Variants in LRMDA observed in about 807,000 individuals in gnomAD.
The protein encoded by LRMDA is leucine rich melanocyte differentiation associated, also known as leucine-rich melanocyte differentiation-associated protein.
A neutral mutation model predicts 29.8 loss-of-function variants in LRMDA; 18 were observed. The ratio of observed to expected loss-of-function variants is 0.60; its 90% CI spans 0.42 to 0.90. The LOEUF (loss-of-function observed/expected upper bound fraction) is 0.90, where lower values mean the gene tolerates loss of function less well. Among genes scored for constraint, LRMDA ranks in the 40% least tolerant of loss-of-function variants. The probability of loss-of-function intolerance (pLI) is 0.00; values close to 1 mark genes in which losing one functional copy is unlikely to be tolerated. For synonymous variants in LRMDA, 125 were observed against 109.4 expected (o/e 1.14, Z -0.89); for missense variants, 273 against 273.9 (o/e 1.00, Z 0.02).
At chr10:75,470,723 G>C (rs1015593051) in intron 2 of LRMDA, among the ~76,000 whole-genome samples, 1 of 152,136 alleles carries the variant, frequency 6.6e-6, no homozygotes, top group Admixed American at 6.5e-5. Context: ...CCCTCAGTCT[G>C]AGCAGCCCCA....
intron 6 of LRMDA, among the ~76,000 whole-genome samples, chr10:76,376,690 A>T (rs185675570): frequency 1.3e-5 from 2 of 152,182 alleles, no homozygotes; most frequent in African/African-American, 4.8e-5. Context: ...GTAGGGTATA[A>T]GCATTCACAT....
intron 2 of LRMDA, among the ~76,000 whole-genome samples, chr10:76,008,645 C>T (rs1589286631): frequency 6.6e-6 from 1 of 152,262 alleles, no homozygotes. Context: ...GTCCACACTG[C>T]AGTCCTCTGC....
chr10:75,842,482 A>T (rs1254121289), intron 2 of LRMDA, among the ~76,000 whole-genome samples: 1 of 152,180 alleles, frequency 6.6e-6, no homozygotes, highest in Non-Finnish European at 1.5e-5. Context: ...TCACAGTCTC[A>T]CTAGATGAGT....
intron 2 of LRMDA, among the ~76,000 whole-genome samples, chr10:75,681,175 GT>G (rs1842018258): frequency 6.6e-6 from 1 of 152,162 alleles, no homozygotes; most frequent in Non-Finnish European, 1.5e-5. Flanking sequence ...CTTATTTTGT[GT>G]TAATTTCCTT....
At chr10:75,632,472 C>A (rs1357580599) in intron 2 of LRMDA, among the ~76,000 whole-genome samples, 1 of 152,060 alleles carries the variant, frequency 6.6e-6, no homozygotes, top group South Asian at 2.1e-4. Flanking sequence ...TTAAGTTAGC[C>A]AAGATTGAGT....
intron 5 of LRMDA, among the ~76,000 whole-genome samples, chr10:76,080,037 G>A (rs1231956499): frequency 6.6e-6 from 1 of 152,094 alleles, no homozygotes; most frequent in Non-Finnish European, 1.5e-5. Context: ...CTAGATCAGT[G>A]TATGTCTCAA....
At chr10:75,936,019 T>C (rs952930295) in intron 2 of LRMDA, among the ~76,000 whole-genome samples, 2 of 152,136 alleles carry the variant, frequency 1.3e-5, no homozygotes, top group Non-Finnish European at 2.9e-5. Flanking sequence ...TTATTTTATT[T>C]TGTTTAAAAG....
intron 2 of LRMDA, among the ~76,000 whole-genome samples, chr10:75,710,774 TCTC>T (rs1025040486): frequency 2.6e-5 from 4 of 152,210 alleles, no homozygotes; most frequent in African/African-American, 9.7e-5. Context: ...TGCTCCCAAT[TCTC>T]CTCTTTTCTT....
chr10:76,110,223 C>T (rs941206349), intron 5 of LRMDA, among the ~76,000 whole-genome samples: 1 of 152,150 alleles, frequency 6.6e-6, no homozygotes, highest in Admixed American at 6.5e-5. Flanking sequence ...TTGAGTTGGC[C>T]GATCTGTTCC....
chr10:75,973,165 A>G (rs181744610), intron 2 of LRMDA, among the ~76,000 whole-genome samples: 3 of 152,298 alleles, frequency 2.0e-5, no homozygotes, highest in African/African-American at 7.2e-5. Context: ...TGCAGTAGGT[A>G]CTATTTTTCA....
chr10:76,557,205 G>C lies in LRMDA; in HGVS notation c.602-4G>C, dbSNP rs1229538281. The stretch of plus-strand genomic sequence containing the variant: ...TGTAATGATGTGTGTCTTTTTATTT[G>C]CAGGTGTCCTGGGGAAGTGTCGCTA... On this transcript the variant is annotated splice_polypyrimidine_tract_variant and splice_region_variant and intron_variant, in intron 6 of 6. Coordinates refer to ENST00000611255, the MANE Select transcript of LRMDA (RefSeq NM_001305581.2). 6.2e-7 allele frequency: 1 copy of C among 1,612,748 alleles called. No homozygotes were observed. Among genetic ancestry groups the C allele is most frequent in the African/African-American group, 1.3e-5 (1 of 74,860 alleles).
intron 5 of LRMDA, among the ~76,000 whole-genome samples, chr10:76,320,105 G>C (rs1206003843): frequency 2.0e-5 from 3 of 152,222 alleles, no homozygotes; most frequent in African/African-American, 7.2e-5. Flanking sequence ...TAATCACCGA[G>C]TGAAATTCTC....
intron 5 of LRMDA, among the ~76,000 whole-genome samples, chr10:76,210,801 T>C (rs1219729314): frequency 1.3e-5 from 2 of 152,216 alleles, no homozygotes; most frequent in Non-Finnish European, 2.9e-5. Context: ...TTAATGGTTA[T>C]CAAACTTTGT....
intron 2 of LRMDA, among the ~76,000 whole-genome samples, chr10:75,504,728 A>G (rs1328538295): frequency 6.6e-6 from 1 of 152,132 alleles, no homozygotes; most frequent in Non-Finnish European, 1.5e-5. Flanking sequence ...ATTAGGAACT[A>G]GTAGAAGGTT....
chr10:76,410,613 AT>A (rs1424563566), intron 6 of LRMDA, among the ~76,000 whole-genome samples: 18 of 151,342 alleles, frequency 1.2e-4, no homozygotes, highest in African/African-American at 3.6e-4. Flanking sequence ...CCCAGCCCCC[AT>A]CAAGAAGCTT....
At chr10:76,177,888 G>A (rs979141477) in intron 5 of LRMDA, among the ~76,000 whole-genome samples, 2 of 152,208 alleles carry the variant, frequency 1.3e-5, no homozygotes, top group Non-Finnish European at 2.9e-5. Context: ...AAGTAAGCTG[G>A]TCTGGTCTGT....
At chr10:75,887,643 A>G (rs1270542008) in intron 2 of LRMDA, among the ~76,000 whole-genome samples, 3 of 152,148 alleles carry the variant, frequency 2.0e-5, no homozygotes, top group African/African-American at 2.4e-5. Flanking sequence ...GATTTGTGTC[A>G]TTGTGACATA....
chr10:76,509,156 A>G (rs912588991), intron 6 of LRMDA, among the ~76,000 whole-genome samples: 1 of 152,160 alleles, frequency 6.6e-6, no homozygotes, highest in Non-Finnish European at 1.5e-5. Flanking sequence ...TGTTCGCAGC[A>G]CTGAGGTAGA....
intron 6 of LRMDA, among the ~76,000 whole-genome samples, chr10:76,370,770 T>C (rs1460701365): frequency 6.6e-6 from 1 of 152,126 alleles, no homozygotes; most frequent in African/African-American, 2.4e-5. Context: ...CTATATATAG[T>C]AAGTGGAGAG....
Sources: gnomAD v4.1 joint callset for allele counts (sites outside exome capture counted in the v4.1 genomes callset) on GRCh38, gnomAD v4.1.1 for gene constraint, MANE v1.5 for transcripts, NCBI Gene and HGNC (gene_info 2026-07-23, HGNC 2026-07-21) for gene names.